The following GAS6 variants were observed in gnomAD, a reference collection of about 807,000 sequenced individuals.
GAS6 encodes the protein growth arrest-specific protein 6.
GAS6 carries 41 observed loss-of-function variants against 75.8 expected under a neutral mutation model. The observed-to-expected ratio is 0.54, with a 90% CI of 0.42 to 0.70. GAS6 has a LOEUF of 0.70. GAS6 is among the 30% of genes least tolerant of loss of function. The pLI is 0.00. For missense variants in GAS6, 854 were observed against 940.2 expected (o/e 0.91, Z 1.20); for synonymous variants, 432 against 412.6 (o/e 1.05, Z -0.57).
At chr13:113,825,411 G>A (rs1025864239) in intron 12 of GAS6, among the ~76,000 whole-genome samples, 10 of 152,262 alleles carry the variant, frequency 6.6e-5, no homozygotes, top group Middle Eastern at 3.4e-3. Flanking sequence ...GAGCCCAGCA[G>A]AGTCGCTGCA....
At chr13:113,850,668 A>G (rs1041724732) in intron 2 of GAS6, among the ~76,000 whole-genome samples, 4 of 152,208 alleles carry the variant, frequency 2.6e-5, no homozygotes, top group Non-Finnish European at 5.9e-5. Flanking sequence ...AGGCCTCATG[A>G]GCCGTCACCA....
chr13:113,823,862 G>C (rs374783281), intron 12 of GAS6, among the ~76,000 whole-genome samples: 1 of 149,318 alleles, frequency 6.7e-6, no homozygotes, highest in Admixed American at 6.6e-5. Flanking sequence ...ACGCAGGCCT[G>C]TCCCTGCCTC....
At chr13:113,859,045 AGTGT>A (rs897732383) in intron 2 of GAS6, among the ~76,000 whole-genome samples, 4 of 141,868 alleles carry the variant, frequency 2.8e-5, no homozygotes, top group Admixed American at 2.8e-4. Context: ...ATGTCTGGAC[AGTGT>A]GTGACTGTGT....
chr13:113,857,527 C>G (rs968851972), intron 2 of GAS6, among the ~76,000 whole-genome samples: 4 of 152,144 alleles, frequency 2.6e-5, no homozygotes, highest in Admixed American at 6.6e-5. Context: ...ATTGGAGAAA[C>G]AGCTCTCAGT....
Position 113,837,946 on chromosome 13 carries a change from G to A in GAS6, c.589+123C>T. On this transcript the variant is annotated intron_variant, in intron 6 of 14. Coordinates refer to ENST00000327773, the MANE Select transcript of GAS6 (RefSeq NM_000820.4). The surrounding 1 kb of genome is among the most constrained non-coding windows in gnomAD (Gnocchi z 5.1). ...TGGGCTTGTGTAGTCTCTGCAGGAT[G>A]CCCCATCCCATCCAGAACCACAGGA... The A allele has an allele frequency of 1.7e-6, 2 of 1,174,018 alleles. No homozygotes were observed. Among genetic ancestry groups the A allele is most frequent in the Admixed American group, 1.9e-5 (1 of 51,876 alleles). The allele number at this position is 1,174,018 out of a possible 1,614,324, so 72.7% of individuals were successfully genotyped here.
At position 113,832,704 on chromosome 13, in the gene GAS6, A is replaced by C; in HGVS notation, c.883T>G (p.Leu295Val). Residue 295 changes from leucine (L) to valine (V), a missense_variant, in exon 9 of 15, where the codon TTG (leucine) becomes GTG (valine). Transcript: ENST00000327773. ...PFSVAKSVKS[L>V]YLGRMFSGTP... ...CCACTGAACATCCGGCCCAGGTACA[A>C]GGACTTCACACTCTTGGCCACGCTG... 6.2e-7 allele frequency: 1 copy of C among 1,612,734 alleles called. No homozygotes were observed. Among genetic ancestry groups the C allele is most frequent in the Non-Finnish European group, 8.5e-7 (1 of 1,179,958 alleles).
Position 113,833,657 on chromosome 13 carries a change from G to A in GAS6, c.834+894C>T. ...AGGCACCAGTGTGACAGGCACCAGT[G>A]TGACAGGTCGGTGTGACAGACACCG... On this transcript the variant is annotated intron_variant, in intron 8 of 14. Coordinates refer to ENST00000327773, the MANE Select transcript of GAS6 (RefSeq NM_000820.4). 4.0e-6 allele frequency: 4 copies of A among 1,005,026 alleles called. No individual in the cohort carries two copies. In the South Asian group the frequency reaches 1.5e-4, roughly 38 times the overall value. 62.3% of individuals were successfully genotyped at this position (1,005,026 alleles called of 1,614,324 possible).
chr13:113,836,887 G>A (rs2138640926), intron 6 of GAS6, among the ~76,000 whole-genome samples: 4 of 110,494 alleles, frequency 3.6e-5, no homozygotes, highest in Admixed American at 9.2e-5. Flanking sequence ...GGAGGAGGGG[G>A]AGTGGGGAAA....
chr13:113,828,808 G>C (rs1176605423), intron 10 of GAS6, 97 bp from the exon 11 acceptor site: 1 of 1,419,468 alleles, frequency 7.0e-7, no homozygotes, highest in Non-Finnish European at 9.6e-7. Flanking sequence ...TGAGCCAAGA[G>C]GGTCCCGACC....
In GAS6 at chr13:113,844,561, G is replaced by C. The variant is rs568454121; in HGVS notation, c.343+1966C>G. ...CAGACACAGTCTCCGATATATGAAT[G>C]GCAAGCCCAGTTAAAAATATCTAAA... On this transcript the variant is annotated intron_variant, in intron 4 of 14. Coordinates refer to ENST00000327773, the MANE Select transcript of GAS6 (RefSeq NM_000820.4). The surrounding 1 kb of genome is among the most constrained non-coding windows in gnomAD (Gnocchi z 5.7). 24 of 150,566 alleles carry C rather than the reference G, an allele frequency of 1.6e-4. 2 individuals carry two copies. The highest frequency in any genetic ancestry group is 5.5e-4 in the African/African-American group (22 of 40,048). The allele number at this position is 150,566 out of a possible 1,614,324, so 9.3% of individuals were successfully genotyped here. A position where few individuals can be genotyped will look rare whatever the true frequency, so the allele number is the denominator to read the frequency against.
At chr13:113,854,403 C>G (rs761240251) in intron 2 of GAS6, among the ~76,000 whole-genome samples, 3 of 152,236 alleles carry the variant, frequency 2.0e-5, no homozygotes, top group African/African-American at 7.2e-5. Flanking sequence ...GCGGTAACGC[C>G]GAGACTCGCC....
rs1285150528 is a variant in GAS6 at position 113,827,014 on chromosome 13, A to G, written c.1459T>C (p.Phe487Leu). ...GSFYPGSGFA[F>L]YSLDYMRTPL... ...GACTTACTGTAGTCCAGGCTGTAGA[A>G]GGCGAAGCCGCTCCCGGGGTAGAAA... The change falls in exon 12 of 15, where the codon TTC becomes CTC. Residue 487 changes from phenylalanine to leucine, a missense_variant. Physicochemically the swap from Phe to Leu is conservative, Grantham distance 22. Coordinates refer to ENST00000327773, the MANE Select transcript of GAS6 (RefSeq NM_000820.4). 19 of 1,613,018 alleles carry G rather than the reference A, an allele frequency of 1.2e-5. No homozygotes were observed. The highest frequency in any genetic ancestry group is 1.4e-5 in the Non-Finnish European group (17 of 1,179,940).
At chr13:113,859,450 G>T (rs2051952183) in intron 2 of GAS6, among the ~76,000 whole-genome samples, 1 of 151,466 alleles carries the variant, frequency 6.6e-6, no homozygotes, top group African/African-American at 2.4e-5. Flanking sequence ...GTGTGTGACT[G>T]TGTGTACGTA....
chr13:113,863,893 C>T lies in GAS6; in HGVS notation c.28G>A (p.Ala10Thr). The change falls in exon 1 of 15, where the codon GCC (alanine) becomes ACC (threonine). Residue 10 changes from alanine to threonine, a missense_variant. Coordinates refer to ENST00000327773, the MANE Select transcript of GAS6 (RefSeq NM_000820.4). The surrounding 1 kb of genome is among the most constrained non-coding windows in gnomAD (Gnocchi z 9.4). MAPSLSPGP[A>T]ALRRAPQLLL... is the part of the protein sequence containing the mutation. ...AGCTGCGGCGCGCGGCGCAGGGCGG[C>T]GGGCCCGGGCGAGAGCGAAGGGGCC... is the stretch of plus-strand genomic sequence containing the variant. 8.4e-7 allele frequency: 1 copy of T among 1,188,718 alleles called. No individual in the cohort carries two copies. Among genetic ancestry groups the T allele is most frequent in the Non-Finnish European group, 1.0e-6 (1 of 962,330 alleles). 73.6% of individuals were successfully genotyped at this position (1,188,718 alleles called of 1,614,324 possible).
At chr13:113,834,396 G>T (rs1397714028) in intron 8 of GAS6, among the ~76,000 whole-genome samples, 155 bp downstream of exon 8, 1 of 152,254 alleles carries the variant, frequency 6.6e-6, no homozygotes, top group Non-Finnish European at 1.5e-5. Context: ...CCAGGGAACA[G>T]AAGCGTTTCT....
intron 9 of GAS6, 24 bp from the exon 10 acceptor site, chr13:113,832,512 G>A: frequency 6.3e-7 from 1 of 1,594,296 alleles, no homozygotes; most frequent in Non-Finnish European, 8.6e-7. Context: ...GGAGAAATGA[G>A]TCAGCACTGG....
At chr13:113,833,291 G>A (rs756445458) in intron 8 of GAS6, 29 of 1,036,014 alleles carry the variant, frequency 2.8e-5, no homozygotes, top group South Asian at 7.4e-5. Context: ...GCAGGGGTCC[G>A]ACACCCTCTG....
At position 113,827,282 on chromosome 13, in the gene GAS6, G is replaced by A. The variant is rs2051563259; in HGVS notation, c.1309-118C>T. 5 of 985,750 alleles carry A rather than the reference G, an allele frequency of 5.1e-6. No individual in the cohort carries two copies. The South Asian group carries it at 6.3e-5, about 13-fold the overall frequency. The allele number at this position is 985,750 out of a possible 1,614,324, so 61.1% of individuals were successfully genotyped here. On this transcript the variant is annotated intron_variant, in intron 11 of 14. Coordinates refer to ENST00000327773, the MANE Select transcript of GAS6 (RefSeq NM_000820.4). ...TATGTGCAGCTCTACGGCAGAAACG[G>A]GCCAGTCCCATCGGTGGTGGCCATT...
chr13:113,820,770 A>G lies in GAS6; in HGVS notation c.*94T>C, dbSNP rs2051443261. ...CCGGGATGGTCACAGAGGAAAGCCC[A>G]GCTCTCAGCATGGCCCCACGTGGTG... On this transcript the variant is annotated 3_prime_UTR_variant, in exon 15 of 15. Transcript: ENST00000327773. 1.5e-6 allele frequency: 2 copies of G among 1,366,298 alleles called. No homozygotes were observed. The highest frequency in any genetic ancestry group is 1.3e-5 in the South Asian group (1 of 76,118). The allele number at this position is 1,366,298 out of a possible 1,614,324, so 84.6% of individuals were successfully genotyped here. A position where few individuals can be genotyped will look rare whatever the true frequency, so the allele number is the denominator to read the frequency against.
Sources: allele counts gnomAD v4.1 joint callset (sites outside exome capture counted in the v4.1 genomes callset), GRCh38; gene constraint gnomAD v4.1.1; non-coding constraint Gnocchi (gnomAD v3.1); transcripts MANE v1.5; gene names NCBI Gene and HGNC (gene_info 2026-07-23, HGNC 2026-07-21).